The following STARD5 variants were observed in gnomAD, a reference collection of about 807,000 sequenced individuals.
STARD5 encodes the protein StAR related lipid transfer domain containing 5.
Under a neutral mutation model 24.6 loss-of-function variants are expected in STARD5, and 26 were observed. The ratio of observed to expected loss-of-function variants is 1.06; its 90% CI spans 0.77 to 1.47. The LOEUF (loss-of-function observed/expected upper bound fraction) is 1.47, where lower values mean the gene tolerates loss of function less well. Ranked by LOEUF, STARD5 falls within the 40% of genes most tolerant of loss-of-function variation. STARD5 has a pLI of 0.00. For synonymous variants in STARD5, 101 were observed against 99.7 expected (o/e 1.01, Z -0.07); for missense variants, 254 against 270.8 (o/e 0.94, Z 0.44).
chr15:81,324,061 C>T lies in STARD5; in HGVS notation c.39G>A (p.Val13=). Residue 13 remains valine (V), a synonymous_variant, in exon 1 of 6, where the codon GTG becomes GTA. Coordinates refer to ENST00000302824, the MANE Select transcript of STARD5 (RefSeq NM_181900.3). ...GCCGGTACTGGAGCATCTTCTCGGC[C>T]ACAGCCTCGCTCATCTGGGCTGCCA... The part of the protein sequence containing the change: ...PALAAQMSEA[V]AEKMLQYRRD... 1 of 1,582,704 alleles carries T rather than the reference C, an allele frequency of 6.3e-7. No homozygotes were observed. Among genetic ancestry groups the T allele is most frequent in the Non-Finnish European group, 8.6e-7 (1 of 1,161,490 alleles).
intron 2 of STARD5, 145 bp from the exon 3 acceptor site, chr15:81,322,685 G>T: frequency 7.3e-7 from 1 of 1,374,006 alleles, no homozygotes; most frequent in Non-Finnish European, 1.0e-6. Flanking sequence ...AAAGTCACTA[G>T]CCCCGCCTCC....
intron 5 of STARD5, 27 bp from the exon 6 acceptor site, chr15:81,313,430 T>C: frequency 1.3e-6 from 2 of 1,491,242 alleles, no homozygotes; most frequent in South Asian, 1.4e-5. Flanking sequence ...AGAGCTGTGT[T>C]ATGATCTGCA....
rs1900952240 is a variant in STARD5, at chr15:81,313,143, T to C, written c.*113A>G. The C allele has an allele frequency of 2.4e-6, 3 of 1,272,896 alleles. No individual in the cohort carries two copies. Among genetic ancestry groups the C allele is most frequent in the Non-Finnish European group, 3.1e-6 (3 of 955,530 alleles). 78.9% of individuals were successfully genotyped at this position (1,272,896 alleles called of 1,614,324 possible). A position where few individuals can be genotyped will look rare whatever the true frequency, so the allele number is the denominator to read the frequency against. Reference sequence around the variant, plus strand: ...TCTCAGAGATGCGCAGTCCATCAGCTTGTTCCAAAGAGTGAACACAGGCCT... The same window carrying C: ...TCTCAGAGATGCGCAGTCCATCAGCCTGTTCCAAAGAGTGAACACAGGCCT... On this transcript the variant is annotated 3_prime_UTR_variant, in exon 6 of 6. Transcript: ENST00000302824.
chr15:81,319,332 C>A lies in STARD5; in HGVS notation c.400+7G>T, dbSNP rs914429406. The A allele has an allele frequency of 4.4e-6, 7 of 1,609,096 alleles. No homozygotes were observed. Among genetic ancestry groups the A allele is most frequent in the South Asian group, 1.1e-5 (1 of 90,952 alleles). On this transcript the variant is annotated splice_region_variant and intron_variant, in intron 4 of 5. Transcript: ENST00000302824. ...AAGGCATGGCAGCTCCTCCGGGCAT[C>A]ACTCACCGTTGGAACTGATGGTCCC...
chr15:81,323,275 C>T (rs1049025839), intron 1 of STARD5: 6 of 384,110 alleles, frequency 1.6e-5, no homozygotes, highest in Non-Finnish European at 2.9e-5. Flanking sequence ...AAAACTACTC[C>T]CATGCTACCC....
At chr15:81,320,636 T>C (rs1422401459) in intron 3 of STARD5, among the ~76,000 whole-genome samples, 3 of 152,178 alleles carry the variant, frequency 2.0e-5, no homozygotes, top group Admixed American at 2.0e-4. Context: ...GAATTTCATG[T>C]TTTTCCCTTT....
chr15:81,322,303 C>A, intron 3 of STARD5, 105 bp downstream of exon 3: 1 of 1,453,658 alleles, frequency 6.9e-7, no homozygotes, highest in South Asian at 1.3e-5. Context: ...CAGGACACAC[C>A]CCCTTAACAA....
Position 81,313,316 on chromosome 15 carries a change from G to C in STARD5, c.582C>G (p.Pro194=), listed in dbSNP as rs931707165. ...TGGCATAAAACCGGGTCATGCTGCG[G>C]GGGAAGAAGGAGTCCACCACGTTCT... is the stretch of plus-strand genomic sequence containing the variant. The part of the protein sequence containing the change: ...LPQNVVDSFF[P]RSMTRFYANL... Residue 194 remains proline, a synonymous_variant, in exon 6 of 6, where the codon CCC becomes CCG. Coordinates refer to ENST00000302824, the MANE Select transcript of STARD5 (RefSeq NM_181900.3). 1.3e-6 allele frequency: 2 copies of C among 1,578,972 alleles called. No homozygotes were observed. The highest frequency in any genetic ancestry group is 3.6e-5 in the Admixed American group (2 of 55,254).
At chr15:81,320,942 C>A (rs1596072063) in intron 3 of STARD5, among the ~76,000 whole-genome samples, 1 of 152,192 alleles carries the variant, frequency 6.6e-6, no homozygotes, top group East Asian at 1.9e-4. Context: ...CATCGATCAT[C>A]TATCTATTTT....
intron 3 of STARD5, among the ~76,000 whole-genome samples, chr15:81,320,708 G>A (rs1485716840): frequency 6.6e-6 from 1 of 151,976 alleles, no homozygotes; most frequent in Non-Finnish European, 1.5e-5. Flanking sequence ...CTAAATTCTG[G>A]TATTTTGTAA....
In STARD5 at chr15:81,318,439, G is replaced by A. The variant is rs1036671099; in HGVS notation, c.464C>T (p.Pro155Leu). The A allele has an allele frequency of 3.1e-6, 5 of 1,614,036 alleles. No individual in the cohort carries two copies. Among genetic ancestry groups the A allele is most frequent in the African/African-American group, 2.7e-5 (2 of 74,918 alleles). Residue 155 changes from proline to leucine, a missense_variant, in exon 5 of 6, where the codon CCT becomes CTT. Coordinates refer to ENST00000302824, the MANE Select transcript of STARD5 (RefSeq NM_181900.3). ...KPGFVRGFNH[P>L]CGCFCEPLPG... ...AAGAGGTTCACAGAAGCAACCACAA[G>A]GATGGTTAAATCCTCTCACAAAACC...
At chr15:81,322,675 A>C in intron 2 of STARD5, 135 bp from the exon 3 acceptor site, 1 of 1,424,886 alleles carries the variant, frequency 7.0e-7, no homozygotes, top group Non-Finnish European at 9.6e-7. Context: ...GAAGGGGCTG[A>C]AAGTCACTAG....
Position 81,322,664 on chromosome 15 carries a change from A to G in STARD5, c.150-124T>C, listed in dbSNP as rs369167070. The stretch of plus-strand genomic sequence containing the variant: ...ACTACTCTTTAGGACAGACTTGCAG[A>G]GAAGGGGCTGAAAGTCACTAGCCCC... On this transcript the variant is annotated intron_variant, in intron 2 of 5. Coordinates refer to ENST00000302824, the MANE Select transcript of STARD5 (RefSeq NM_181900.3). The G allele has an allele frequency of 4.0e-6, 6 of 1,494,138 alleles. No individual in the cohort carries two copies. The East Asian group carries it at 9.1e-5, about 23-fold the overall frequency. 92.6% of individuals were successfully genotyped at this position (1,494,138 alleles called of 1,614,324 possible). A position where few individuals can be genotyped will look rare whatever the true frequency, so the allele number is the denominator to read the frequency against.
At position 81,309,441 on chromosome 15, in the gene STARD5, T is replaced by C. The variant is rs1131445; in HGVS notation, c.*3815A>G. On this transcript the variant is annotated 3_prime_UTR_variant, in exon 6 of 6. Transcript: ENST00000302824. ...GAGCATCCCAGGATCGCAAGAGCCA[T>C]GTAGAAGCTGCATCTTGTTTATACC... 0.32 allele frequency: 49,210 copies of C among 152,618 alleles called. 8,026 individuals carry two copies. Among genetic ancestry groups the C allele is most frequent in the Middle Eastern group, 0.4 (118 of 298 alleles). The allele number at this position is 152,618 out of a possible 1,614,324, so 9.5% of individuals were successfully genotyped here. A position where few individuals can be genotyped will look rare whatever the true frequency, so the allele number is the denominator to read the frequency against.
chr15:81,315,164 C>A (rs1901054963), intron 5 of STARD5, among the ~76,000 whole-genome samples: 3 of 152,212 alleles, frequency 2.0e-5, no homozygotes, highest in Middle Eastern at 3.4e-3. Context: ...TCTGCTAGAG[C>A]CTTCTCTCTC....
In STARD5 at chr15:81,313,417, A is replaced by C. The variant is rs768868417; in HGVS notation, c.495-14T>G. 1.0e-5 allele frequency: 16 copies of C among 1,527,936 alleles called. No individual in the cohort carries two copies. The highest frequency in any genetic ancestry group is 1.8e-4 in the Middle Eastern group (1 of 5,588). 94.6% of individuals were successfully genotyped at this position (1,527,936 alleles called of 1,614,324 possible). A position where few individuals can be genotyped will look rare whatever the true frequency, so the allele number is the denominator to read the frequency against. Reference sequence around the variant, plus strand: ...TTGGTGGGTTCCCTGTGAAGGCAACAGCAGAGCTGTGTTATGATCTGCAGC... The same window carrying C: ...TTGGTGGGTTCCCTGTGAAGGCAACCGCAGAGCTGTGTTATGATCTGCAGC... On this transcript the variant is annotated splice_polypyrimidine_tract_variant and intron_variant, in intron 5 of 5. Transcript: ENST00000302824.
chr15:81,315,799 T>G (rs1282379744), intron 5 of STARD5, among the ~76,000 whole-genome samples: 1 of 151,936 alleles, frequency 6.6e-6, no homozygotes, highest in Non-Finnish European at 1.5e-5. Context: ...CAGGGGTTGG[T>G]GGGTGAGGGA....
intron 3 of STARD5, among the ~76,000 whole-genome samples, chr15:81,321,654 A>T (rs76848389): frequency 3.3e-5 from 5 of 152,124 alleles, no homozygotes; most frequent in African/African-American, 7.2e-5. Flanking sequence ...ATATATGATT[A>T]AAAAAACTTC....
rs563198743 is a variant in STARD5 at position 81,311,382 on chromosome 15, C to T, written c.*1874G>A. The T allele has an allele frequency of 6.6e-6, 1 of 152,362 alleles. No homozygotes were observed. Among genetic ancestry groups the T allele is most frequent in the African/African-American group, 2.4e-5 (1 of 41,574 alleles). The allele number at this position is 152,362 out of a possible 1,614,324, so 9.4% of individuals were successfully genotyped here. A position where few individuals can be genotyped will look rare whatever the true frequency, so the allele number is the denominator to read the frequency against. On this transcript the variant is annotated 3_prime_UTR_variant, in exon 6 of 6. Coordinates refer to ENST00000302824, the MANE Select transcript of STARD5 (RefSeq NM_181900.3). ...CTGCCTCCATATTTTCTTTAAAAGA[C>T]AAATCAAAGCAGATATATTAAGTGA... is the stretch of plus-strand genomic sequence containing the variant.
Sources: allele counts gnomAD v4.1 joint callset (sites outside exome capture counted in the v4.1 genomes callset), GRCh38; gene constraint gnomAD v4.1.1; transcripts MANE v1.5; gene names NCBI Gene and HGNC (gene_info 2026-07-23, HGNC 2026-07-21).